Variants in SPTY2D1 observed in about 807,000 individuals in gnomAD.
SPTY2D1 encodes SPT2 chromatin protein domain containing 1, also known as protein SPT2 homolog.
A neutral mutation model predicts 64.0 loss-of-function variants in SPTY2D1; 21 were observed. The observed-to-expected ratio is 0.33, with a 90% CI of 0.23 to 0.47. SPTY2D1 has a LOEUF of 0.47. SPTY2D1 is among the 20% of genes least tolerant of loss of function. The pLI is 1.00. For missense variants in SPTY2D1, 724 were observed against 837.2 expected (o/e 0.86, Z 1.67); for synonymous variants, 287 against 286.8 (o/e 1.00, Z -0.01).
chr11:18,615,051 G>A lies in SPTY2D1; in HGVS notation c.1223C>T (p.Pro408Leu). ...RRQNGSSSSG[P>L]ERSISGSKKP... ...CTTGGACCCACTGATTGATCGCTCA[G>A]GTCCTGAGCTGGAGCTGCCATTCTG... Residue 408 changes from proline (P) to leucine (L), a missense_variant, in exon 3 of 6, where the codon CCT becomes CTT. By Grantham distance (98) the Pro-to-Leu change is moderately conservative. Transcript: ENST00000336349. 4 of 1,614,156 alleles carry A rather than the reference G, an allele frequency of 2.5e-6. No homozygotes were observed. The highest frequency in any genetic ancestry group is 3.4e-6 in the Non-Finnish European group (4 of 1,180,050).
intron 1 of SPTY2D1, among the ~76,000 whole-genome samples, chr11:18,617,698 T>C (rs950217233): frequency 2.0e-5 from 3 of 150,504 alleles, no homozygotes; most frequent in African/African-American, 4.9e-5. Flanking sequence ...TCCCAACACT[T>C]TGGGCGGCTG....
rs1235800295 is a variant in SPTY2D1, at chr11:18,612,817, T to C, written c.1712-329A>G. Among the ~76,000 whole-genome samples the C allele has an allele frequency of 6.6e-6, 1 of 151,764 alleles. No individual in the cohort carries two copies. Among genetic ancestry groups the C allele is most frequent in the Non-Finnish European group, 1.5e-5 (1 of 67,962 alleles). On this transcript the variant is annotated intron_variant, in intron 3 of 5. Coordinates refer to ENST00000336349, the MANE Select transcript of SPTY2D1 (RefSeq NM_194285.3). The surrounding 1 kb of genome is among the most constrained non-coding windows in gnomAD (Gnocchi z 4.6). ...GTTTCACTTGTTGCCTAGGCTGGAG[T>C]GCAATGGTGCGATCTCGGCTCACTG...
chr11:18,631,602 CA>C (rs10617150), intron 1 of SPTY2D1, among the ~76,000 whole-genome samples: 49,240 of 116,206 alleles, frequency 0.42, 9,636 homozygotes, highest in Middle Eastern at 0.55. Flanking sequence ...AAATAGATAA[CA>C]AAAAAAAAAA....
chr11:18,620,811 T>C (rs1210356332), intron 1 of SPTY2D1, among the ~76,000 whole-genome samples: 16 of 139,578 alleles, frequency 1.1e-4, no homozygotes, highest in Non-Finnish European at 1.8e-4. Flanking sequence ...GGCGTGAACC[T>C]GGGAGGCGGA....
chr11:18,614,589 G>A lies in SPTY2D1; in HGVS notation c.1685C>T (p.Pro562Leu). 3 of 1,611,870 alleles carry A rather than the reference G, an allele frequency of 1.9e-6. No homozygotes were observed. Among genetic ancestry groups the A allele is most frequent in the Non-Finnish European group, 2.5e-6 (3 of 1,178,206 alleles). The change falls in exon 3 of 6, where the codon CCC becomes CTC. Residue 562 changes from proline (P) to leucine (L), a missense_variant. Pro to Leu is a moderately conservative substitution (Grantham distance 98). Transcript: ENST00000336349. ...SNGQMNGMKP[P>L]LSGYRAAQGP... is the part of the protein sequence containing the mutation. ...TTGGGCAGCTCTGTAGCCAGATAGG[G>A]GAGGCTTCATTCCATTCATCTGTCC...
intron 1 of SPTY2D1, 76 bp downstream of exon 1, chr11:18,634,122 G>A: frequency 6.5e-7 from 1 of 1,542,212 alleles, no homozygotes; most frequent in Admixed American, 1.7e-5. Flanking sequence ...CGGCTGCCCA[G>A]AAGTTCCATG....
intron 1 of SPTY2D1, 46 bp downstream of exon 1, chr11:18,634,152 T>G: frequency 6.2e-7 from 1 of 1,610,706 alleles, no homozygotes; most frequent in Admixed American, 1.7e-5. Flanking sequence ...CATTCCGAAC[T>G]TGGAAGACTA....
Position 18,609,769 on chromosome 11 carries a change from A to C in SPTY2D1, c.*92T>G. 1 of 1,122,246 alleles carries C rather than the reference A, an allele frequency of 8.9e-7. No individual in the cohort carries two copies. The highest frequency in any genetic ancestry group is 1.3e-6 in the Non-Finnish European group (1 of 761,044). 69.5% of individuals were successfully genotyped at this position (1,122,246 alleles called of 1,614,324 possible). On this transcript the variant is annotated 3_prime_UTR_variant, in exon 6 of 6. Transcript: ENST00000336349. ...CCTTCTCCTTGAGTACCCAAGTATA[A>C]ATCTAAAATGATAAGGGGGCTTCTT...
At position 18,612,565 on chromosome 11, in the gene SPTY2D1, G is replaced by T; in HGVS notation, c.1712-77C>A. The T allele has an allele frequency of 7.7e-7, 1 of 1,305,256 alleles. No individual in the cohort carries two copies. The highest frequency in any genetic ancestry group is 1.7e-5 in the South Asian group (1 of 59,150). The allele number at this position is 1,305,256 out of a possible 1,614,324, so 80.9% of individuals were successfully genotyped here. A position where few individuals can be genotyped will look rare whatever the true frequency, so the allele number is the denominator to read the frequency against. ...AGTTCTATGTAAACTGAAATTGTGA[G>T]TCATCATTAAGATGGTATCCTTTAA... On this transcript the variant is annotated intron_variant, in intron 3 of 5. Transcript: ENST00000336349. This position sits in a 1 kb window ranked among gnomAD's most constrained non-coding sequence, Gnocchi z 4.6.
chr11:18,624,761 G>A lies in SPTY2D1; in HGVS notation c.61-7772C>T, dbSNP rs542542841. On this transcript the variant is annotated intron_variant, in intron 1 of 5. Transcript: ENST00000336349. The stretch of plus-strand genomic sequence containing the variant: ...CGTCTGTAATCCCAGCACTTTGGGA[G>A]GCTGAGGTGGGTGGATCACCTGAGG... 7.2e-5 allele frequency among the ~76,000 whole-genome samples: 11 copies of A among 152,314 alleles called. No homozygotes were observed. The South Asian group carries it at 2.3e-3, about 32-fold the overall frequency.
intron 1 of SPTY2D1, among the ~76,000 whole-genome samples, chr11:18,620,671 G>C (rs1432568421): frequency 6.6e-6 from 1 of 151,820 alleles, no homozygotes; most frequent in Non-Finnish European, 1.5e-5. Flanking sequence ...CGGATCATGA[G>C]GTCAGGAGAT....
At chr11:18,629,237 G>A (rs1343394960) in intron 1 of SPTY2D1, among the ~76,000 whole-genome samples, 2 of 152,058 alleles carry the variant, frequency 1.3e-5, no homozygotes, top group African/African-American at 4.8e-5. Flanking sequence ...GTGGTGGCTC[G>A]CGCCTGTAAT....
chr11:18,632,152 TAA>T (rs879568614), intron 1 of SPTY2D1, among the ~76,000 whole-genome samples: 11 of 143,020 alleles, frequency 7.7e-5, no homozygotes, highest in African/African-American at 7.9e-5. Flanking sequence ...GACTCTATCT[TAA>T]AAAAAAAAAA....
chr11:18,620,989 C>G (rs1329867879), intron 1 of SPTY2D1, among the ~76,000 whole-genome samples: 1 of 151,548 alleles, frequency 6.6e-6, no homozygotes. Context: ...TATCCAGGCC[C>G]TATATGTGCT....
intron 1 of SPTY2D1, among the ~76,000 whole-genome samples, chr11:18,633,528 G>A (rs1854621955): frequency 6.6e-6 from 1 of 152,158 alleles, no homozygotes; most frequent in South Asian, 2.1e-4. Flanking sequence ...CTGACCAAAT[G>A]GGACCTAGAT....
In SPTY2D1 at chr11:18,619,174, G is replaced by A. The variant is rs1269115156; in HGVS notation, c.61-2185C>T. ...CACAAACATAGGTATTAATCACAAG[G>A]AGCTTACATTTTCATTGTGGAAAGG... On this transcript the variant is annotated intron_variant, in intron 1 of 5. Transcript: ENST00000336349. Among the ~76,000 whole-genome samples the A allele has an allele frequency of 2.0e-5, 3 of 152,084 alleles. No individual in the cohort carries two copies. In the East Asian group the frequency reaches 5.8e-4, roughly 29 times the overall value.
In SPTY2D1 at chr11:18,606,955, G is replaced by T. The variant is rs1284224413; in HGVS notation, c.*2906C>A. 2 of 295,448 alleles carry T rather than the reference G, an allele frequency of 6.8e-6. No homozygotes were observed. Among genetic ancestry groups the T allele is most frequent in the African/African-American group, 2.4e-5 (1 of 42,474 alleles). 18.3% of individuals were successfully genotyped at this position (295,448 alleles called of 1,614,324 possible). A position where few individuals can be genotyped will look rare whatever the true frequency, so the allele number is the denominator to read the frequency against. On this transcript the variant is annotated 3_prime_UTR_variant, in exon 6 of 6. Transcript: ENST00000336349. ...GGCTGACTGCAACCTCCGCCTCCCA[G>T]GTTCTAGCGATTCTCCTGCCTCAGC...
rs1158343751 is a variant in SPTY2D1, at chr11:18,609,180, G to T, written c.*681C>A. On this transcript the variant is annotated 3_prime_UTR_variant, in exon 6 of 6. Coordinates refer to ENST00000336349, the MANE Select transcript of SPTY2D1 (RefSeq NM_194285.3). ...AAATCTGAAAGGAAAACTTAGAAAA[G>T]AATATTATACTGTTATAACCTGTAT... 2.6e-5 allele frequency: 4 copies of T among 152,112 alleles called. No individual in the cohort carries two copies. The highest frequency in any genetic ancestry group is 9.7e-5 in the African/African-American group (4 of 41,426). The allele number at this position is 152,112 out of a possible 1,614,324, so 9.4% of individuals were successfully genotyped here.
At chr11:18,619,928 T>C (rs1037445322) in intron 1 of SPTY2D1, among the ~76,000 whole-genome samples, 4 of 152,210 alleles carry the variant, frequency 2.6e-5, no homozygotes, top group Non-Finnish European at 4.4e-5. Flanking sequence ...TAACCCAGCA[T>C]TGAGCACTAT....
Sources: gnomAD v4.1 joint callset for allele counts (sites outside exome capture counted in the v4.1 genomes callset) on GRCh38, gnomAD v4.1.1 for gene constraint, Gnocchi (gnomAD v3.1) non-coding constraint, MANE v1.5 for transcripts, NCBI Gene and HGNC (gene_info 2026-07-23, HGNC 2026-07-21) for gene names.